The following KIF4A variants were observed in gnomAD, a reference collection of about 807,000 sequenced individuals.
The protein encoded by KIF4A is kinesin family member 4A.
A neutral mutation model predicts 105.9 loss-of-function variants in KIF4A; 7 were observed. The ratio of observed to expected loss-of-function variants is 0.07; its 90% CI spans 0.04 to 0.12. The LOEUF is 0.12. Ranked by LOEUF, KIF4A falls within the 10% of genes least tolerant of loss-of-function variation. The probability of loss-of-function intolerance (pLI) is 1.00; values close to 1 mark genes in which losing one functional copy is unlikely to be tolerated. For synonymous variants in KIF4A, 281 were observed against 331.3 expected (o/e 0.85, Z 1.65); for missense variants, 558 against 929.2 (o/e 0.60, Z 5.19).
chrX:70,356,574 C>T (rs1162203979), intron 15 of KIF4A, among the ~76,000 whole-genome samples: 1 of 111,928 alleles, frequency 8.9e-6, no homozygotes, highest in Non-Finnish European at 1.9e-5. Context: ...AAAAAACAAA[C>T]AAACAAAAAA....
At chrX:70,291,033 G>A (rs2085758271) in intron 3 of KIF4A, among the ~76,000 whole-genome samples, 1 of 110,874 alleles carries the variant, frequency 9.0e-6, no homozygotes, top group Non-Finnish European at 1.9e-5. Context: ...GTATATGTTT[G>A]TTTATCCTGG....
chrX:70,386,740 T>C, intron 19 of KIF4A, 39 bp downstream of exon 19: 2 of 997,678 alleles, frequency 2.0e-6, no homozygotes, highest in Non-Finnish European at 2.9e-6. Context: ...TGTATTGTCA[T>C]CTTCAGGTTT....
intron 9 of KIF4A, among the ~76,000 whole-genome samples, chrX:70,332,426 C>G (rs1250210259): frequency 9.0e-6 from 1 of 111,334 alleles, no homozygotes; most frequent in Non-Finnish European, 1.9e-5. Flanking sequence ...ACATGCAGCT[C>G]GTTTGTAACT....
At chrX:70,363,946 A>G (rs747781324) in intron 15 of KIF4A, among the ~76,000 whole-genome samples, 1 of 111,846 alleles carries the variant, frequency 8.9e-6, no homozygotes, top group South Asian at 3.8e-4. Flanking sequence ...CTGGTGTGAG[A>G]TGGTATCTCA....
chrX:70,299,314 C>A, intron 5 of KIF4A, 112 bp downstream of exon 5: 1 of 572,090 alleles, frequency 1.7e-6, no homozygotes, highest in South Asian at 5.1e-5. Flanking sequence ...TCATCTCAGT[C>A]AGGTTTTCTG....
intron 10 of KIF4A, among the ~76,000 whole-genome samples, chrX:70,338,642 A>C (rs1264624785): frequency 8.9e-6 from 1 of 111,879 alleles, no homozygotes; most frequent in Non-Finnish European, 1.9e-5. Flanking sequence ...ATGGGTTTTC[A>C]TGGGGTAAAT....
intron 15 of KIF4A, among the ~76,000 whole-genome samples, chrX:70,356,188 G>A (rs1268673219): frequency 9.0e-6 from 1 of 110,601 alleles, no homozygotes; most frequent in Non-Finnish European, 1.9e-5. Flanking sequence ...GCTGAGGTGG[G>A]AGGATCACCT....
At chrX:70,295,412 C>T (rs1020221358) in intron 3 of KIF4A, among the ~76,000 whole-genome samples, 3 of 108,480 alleles carry the variant, frequency 2.8e-5, no homozygotes, top group East Asian at 3.0e-4. Flanking sequence ...TGACCTCAAG[C>T]GATCTGCCCG....
intron 15 of KIF4A, among the ~76,000 whole-genome samples, chrX:70,367,994 A>T (rs1320604342): frequency 1.8e-5 from 2 of 111,140 alleles, no homozygotes; most frequent in Non-Finnish European, 3.8e-5. Flanking sequence ...GCTTCATTTC[A>T]TTCATTTGAT....
At chrX:70,413,888 C>T (rs1648932798) in intron 28 of KIF4A, among the ~76,000 whole-genome samples, 1 of 110,876 alleles carries the variant, frequency 9.0e-6, no homozygotes, top group Non-Finnish European at 1.9e-5. Flanking sequence ...ATCAGAAGAA[C>T]ATTTCAGGAA....
intron 13 of KIF4A, among the ~76,000 whole-genome samples, chrX:70,347,670 T>A (rs972117579): frequency 3.6e-5 from 4 of 110,782 alleles, no homozygotes; most frequent in Non-Finnish European, 7.6e-5. Context: ...AGATTTTTTT[T>A]AATCCTTTTT....
chrX:70,391,316 A>G (rs5980923), intron 20 of KIF4A, among the ~76,000 whole-genome samples: 1,876 of 111,847 alleles, frequency 0.017, 36 homozygotes, highest in African/African-American at 0.057. Context: ...TATGTAGACT[A>G]TCATGCTGTC....
At chrX:70,415,346 A>G in intron 28 of KIF4A, 1 of 276,625 alleles carries the variant, frequency 3.6e-6, no homozygotes, top group Non-Finnish European at 6.8e-6. Flanking sequence ...GCTGTTGCTC[A>G]CGCCTGTAAT....
At chrX:70,372,371 C>T (rs769999796) in intron 15 of KIF4A, among the ~76,000 whole-genome samples, 2 of 94,014 alleles carry the variant, frequency 2.1e-5, no homozygotes, top group Non-Finnish European at 4.4e-5. Flanking sequence ...CTGAGTGAAC[C>T]AGACTCCGTC....
At chrX:70,310,018 G>A (rs1361828600) in intron 7 of KIF4A, among the ~76,000 whole-genome samples, 1 of 112,344 alleles carries the variant, frequency 8.9e-6, no homozygotes, top group Admixed American at 9.4e-5. Flanking sequence ...ACTCCAGGCT[G>A]GGTGACAGAG....
At chrX:70,356,209 A>T (rs1010506187) in intron 15 of KIF4A, among the ~76,000 whole-genome samples, 1 of 109,990 alleles carries the variant, frequency 9.1e-6, no homozygotes, top group African/African-American at 3.3e-5. Context: ...GAGCACAGGG[A>T]GGTGGAGGCT....
chrX:70,369,649 T>C (rs1424419464), intron 15 of KIF4A, among the ~76,000 whole-genome samples: 1 of 111,691 alleles, frequency 9.0e-6, no homozygotes, highest in African/African-American at 3.3e-5. Flanking sequence ...TATTTCATTA[T>C]GGAAAAAAAA....
chrX:70,375,317 G>A lies in KIF4A; in HGVS notation c.1892G>A (p.Arg631His), dbSNP rs201310458. Residue 631 changes from arginine to histidine, a missense_variant, in exon 17 of 31, where the codon CGT (arginine) becomes CAT (histidine). Coordinates refer to ENST00000374403, the MANE Select transcript of KIF4A (RefSeq NM_012310.5). ...CTGAAACTAAAGGAATCCACAGAGC[G>A]TACTGTCTCCAAACTGAACCAGGAG... The part of the protein sequence containing the change: ...KLLKLKESTE[R>H]TVSKLNQEIR... The A allele has an allele frequency of 6.8e-5, 82 of 1,209,106 alleles. No individual in the cohort carries two copies. The highest frequency in any genetic ancestry group is 8.9e-5 in the East Asian group (3 of 33,762).
chrX:70,331,006 T>C (rs1436963930), intron 9 of KIF4A, among the ~76,000 whole-genome samples: 1 of 111,599 alleles, frequency 9.0e-6, no homozygotes, highest in East Asian at 2.8e-4. Context: ...CCCCTGCATA[T>C]ACATAGGAAC....
Sources: allele counts gnomAD v4.1 joint callset (sites outside exome capture counted in the v4.1 genomes callset), GRCh38; gene constraint gnomAD v4.1.1; transcripts MANE v1.5; gene names NCBI Gene and HGNC (gene_info 2026-07-23, HGNC 2026-07-21).